NLGN1: variants seen among roughly 807,000 people sequenced by gnomAD.
NLGN1 encodes neuroligin 1, also known as neuroligin-1.
In NLGN1, 12 loss-of-function variants were observed where a neutral mutation model predicts 65.5. That is an observed-to-expected ratio of 0.18 (90% confidence interval 0.12 to 0.30). NLGN1 has a LOEUF of 0.30. Among genes scored for constraint, NLGN1 ranks in the 10% least tolerant of loss-of-function variants. The probability of loss-of-function intolerance (pLI) is 1.00; values close to 1 mark genes in which losing one functional copy is unlikely to be tolerated. For missense variants in NLGN1, 750 were observed against 1,007.1 expected, an observed-to-expected ratio of 0.74 and a Z score of 3.46; for synonymous variants, 350 against 359.5, an observed-to-expected ratio of 0.97 and a Z score of 0.30.
At chr3:174,009,437 A>G (rs942065210) in intron 4 of NLGN1, among the ~76,000 whole-genome samples, 2 of 152,140 alleles carry the variant, frequency 1.3e-5, no homozygotes, top group African/African-American at 4.8e-5. Flanking sequence ...GCATTACAAG[A>G]TGCATTATCT....
chr3:173,562,344 G>A lies in NLGN1; in HGVS notation c.-320-41935G>A, dbSNP rs182178679. On this transcript the variant is annotated intron_variant, in intron 2 of 6. Transcript: ENST00000457714. ...AGCACTTTGGGAGGCCAAGGTGAGC[G>A]GATCATGAGATCAGGAGATCGAGAC... Among the ~76,000 whole-genome samples the A allele has an allele frequency of 2.3e-3, 353 of 152,210 alleles. 1 individual carries two copies. Among genetic ancestry groups the A allele is most frequent in the African/African-American group, 7.8e-3 (322 of 41,540 alleles).
intron 4 of NLGN1, among the ~76,000 whole-genome samples, chr3:173,866,549 CTA>C (rs1730212419): frequency 6.6e-6 from 1 of 152,100 alleles, no homozygotes; most frequent in Non-Finnish European, 1.5e-5. Flanking sequence ...ATGAGCAAAA[CTA>C]TTTTAGAATT....
intron 2 of NLGN1, among the ~76,000 whole-genome samples, chr3:173,465,398 A>G (rs1213263732): frequency 6.6e-6 from 1 of 152,224 alleles, no homozygotes; most frequent in African/African-American, 2.4e-5. Flanking sequence ...AGATTCTGGT[A>G]GGTGAGAACA....
chr3:173,450,784 C>T (rs1489908749), intron 2 of NLGN1, among the ~76,000 whole-genome samples: 1 of 152,146 alleles, frequency 6.6e-6, no homozygotes, highest in Non-Finnish European at 1.5e-5. Flanking sequence ...TTTCTCTAAA[C>T]TTGTATTCAC....
At chr3:173,619,851 G>A (rs138614853) in intron 3 of NLGN1, among the ~76,000 whole-genome samples, 1 of 152,284 alleles carries the variant, frequency 6.6e-6, no homozygotes, top group Non-Finnish European at 1.5e-5. Context: ...GATGGGAGCT[G>A]GAGAGAAAAC....
intron 2 of NLGN1, among the ~76,000 whole-genome samples, chr3:173,497,424 T>G (rs556605946): frequency 1.6e-4 from 24 of 151,228 alleles, no homozygotes; most frequent in Non-Finnish European, 2.6e-4. Context: ...AAATAAATTC[T>G]TATTTATATC....
At chr3:174,285,310 A>G (rs1321088511) in exon 7 of NLGN1, 1 of 151,432 alleles carries the variant, frequency 6.6e-6, no homozygotes, top group Non-Finnish European at 1.5e-5. Context: ...ATTTCCAGTA[A>G]TTAGTTGTTA....
chr3:173,825,847 T>C (rs888110055), intron 4 of NLGN1, among the ~76,000 whole-genome samples: 3 of 152,082 alleles, frequency 2.0e-5, no homozygotes, highest in African/African-American at 4.8e-5. Context: ...GCCTAATCCT[T>C]AACTGTGATT....
At chr3:173,881,511 A>G (rs1386721116) in intron 4 of NLGN1, among the ~76,000 whole-genome samples, 3 of 116,368 alleles carry the variant, frequency 2.6e-5, no homozygotes, top group East Asian at 2.6e-4. Flanking sequence ...TGCAAGCTCT[A>G]CCTCCCGGGT....
chr3:173,740,006 T>C (rs1774389634), intron 3 of NLGN1, among the ~76,000 whole-genome samples: 1 of 152,124 alleles, frequency 6.6e-6, no homozygotes, highest in South Asian at 2.1e-4. Context: ...TTTTCCCATT[T>C]TCCCTAATTT....
At chr3:174,116,698 C>T (rs1264534474) in intron 4 of NLGN1, among the ~76,000 whole-genome samples, 1 of 152,038 alleles carries the variant, frequency 6.6e-6, no homozygotes, top group African/African-American at 2.4e-5. Context: ...TATACATACT[C>T]ACATACCACA....
intron 4 of NLGN1, among the ~76,000 whole-genome samples, chr3:174,163,367 CTT>C (rs1447534694): frequency 6.6e-6 from 1 of 151,896 alleles, no homozygotes; most frequent in East Asian, 1.9e-4. Flanking sequence ...ACCTAGAAAA[CTT>C]TTGTTTTCCC....
chr3:174,182,193 A>G (rs756916395), intron 4 of NLGN1, among the ~76,000 whole-genome samples: 2 of 151,960 alleles, frequency 1.3e-5, no homozygotes, highest in Admixed American at 6.6e-5. Context: ...TATCTCCACT[A>G]TCATTGCCTT....
chr3:173,734,379 C>CAATTTTTTTTTT (rs1560261820), intron 3 of NLGN1, among the ~76,000 whole-genome samples: 3 of 59,048 alleles, frequency 5.1e-5, no homozygotes, highest in African/African-American at 1.9e-4. Context: ...GTGGATAATT[C>CAATTTTTTTTTT]TATTTTTTTT....
chr3:173,650,158 T>A (rs955603058), intron 3 of NLGN1, among the ~76,000 whole-genome samples: 3 of 152,034 alleles, frequency 2.0e-5, no homozygotes, highest in African/African-American at 7.2e-5. Context: ...ACTTAATACA[T>A]CTTAGATGTA....
chr3:174,143,659 A>G (rs1219985110), intron 4 of NLGN1, among the ~76,000 whole-genome samples: 3 of 152,168 alleles, frequency 2.0e-5, no homozygotes, highest in East Asian at 1.9e-4. Context: ...TCTCCCCACA[A>G]TGCACTCTTT....
intron 4 of NLGN1, among the ~76,000 whole-genome samples, chr3:173,966,051 C>T (rs1397506428): frequency 2.0e-5 from 3 of 152,070 alleles, no homozygotes; most frequent in Non-Finnish European, 4.4e-5. Flanking sequence ...ATTTACCTTG[C>T]CTTCTTTATA....
At chr3:173,500,370 G>A (rs111989982) in intron 2 of NLGN1, among the ~76,000 whole-genome samples, 5,408 of 152,154 alleles carry the variant, frequency 0.036, 331 homozygotes, top group African/African-American at 0.12. Flanking sequence ...ATTTGCATAT[G>A]TTGAACCAGC....
At chr3:173,723,096 A>C (rs1411677403) in intron 3 of NLGN1, among the ~76,000 whole-genome samples, 5 of 152,184 alleles carry the variant, frequency 3.3e-5, no homozygotes, top group Non-Finnish European at 7.3e-5. Context: ...GCTGTGTGAC[A>C]CAAGGGTTCA....
Sources: allele counts gnomAD v4.1 joint callset (sites outside exome capture counted in the v4.1 genomes callset), GRCh38; gene constraint gnomAD v4.1.1; transcripts MANE v1.5; gene names NCBI Gene and HGNC (gene_info 2026-07-23, HGNC 2026-07-21).